The following ALK variants were observed in gnomAD, a reference collection of about 807,000 sequenced individuals.
ALK encodes the protein ALK receptor tyrosine kinase.
Under a neutral mutation model 163.1 loss-of-function variants are expected in ALK, and 74 were observed. That is an observed-to-expected ratio of 0.45 (90% confidence interval 0.38 to 0.55). ALK has a LOEUF of 0.55. ALK is among the 20% of genes least tolerant of loss of function. The probability of loss-of-function intolerance (pLI) is 0.00; values close to 1 mark genes in which losing one functional copy is unlikely to be tolerated. For synonymous variants in ALK, 960 were observed against 843.2 expected (o/e 1.14, Z -2.40); for missense variants, 2,063 against 2,105.3 (o/e 0.98, Z 0.39).
chr2:29,474,159 A>C (rs1190527430), intron 4 of ALK, among the ~76,000 whole-genome samples: 1 of 152,248 alleles, frequency 6.6e-6, no homozygotes, highest in Non-Finnish European at 1.5e-5. Flanking sequence ...TATACAATGA[A>C]ATAGTCTGCA....
intron 4 of ALK, among the ~76,000 whole-genome samples, chr2:29,496,228 G>A (rs1672017036): frequency 6.6e-6 from 1 of 152,174 alleles, no homozygotes; most frequent in African/African-American, 2.4e-5. Context: ...CTTATAAACA[G>A]CTTTTTTGCT....
At position 29,405,671 on chromosome 2, in the gene ALK, C is replaced by T. The variant is rs1299010943; in HGVS notation, c.1155-21812G>A. On this transcript the variant is annotated intron_variant, in intron 4 of 28. Coordinates refer to ENST00000389048, the MANE Select transcript of ALK (RefSeq NM_004304.5). Reference sequence around the variant, plus strand: ...TTTTTCTAATTCTTCACTCTGCAGACAGCCACCACACTGGGAGAGGCAGAG... The same window carrying T: ...TTTTTCTAATTCTTCACTCTGCAGATAGCCACCACACTGGGAGAGGCAGAG... Among the ~76,000 whole-genome samples, 44 of 152,068 alleles carry T rather than the reference C, an allele frequency of 2.9e-4. 1 individual carries two copies. The highest frequency in any genetic ancestry group is 2.9e-3 in the Admixed American group (44 of 15,274).
At chr2:29,454,910 AAGTCCTATGCGGTTAGTTTC>A (rs903822301) in intron 4 of ALK, among the ~76,000 whole-genome samples, 2 of 152,190 alleles carry the variant, frequency 1.3e-5, no homozygotes, top group Non-Finnish European at 2.9e-5. Context: ...GTTCAAATAA[AAGTCCTATGCGGTTAGTTTC>A]ATGTACCTGC....
intron 4 of ALK, among the ~76,000 whole-genome samples, chr2:29,387,144 T>C (rs978776045): frequency 6.6e-6 from 1 of 152,332 alleles, no homozygotes; most frequent in East Asian, 1.9e-4. Context: ...ATCTGGACTT[T>C]AGGAAGTCAG....
At chr2:29,488,247 C>T (rs1477170813) in intron 4 of ALK, among the ~76,000 whole-genome samples, 1 of 152,136 alleles carries the variant, frequency 6.6e-6, no homozygotes, top group Non-Finnish European at 1.5e-5. Context: ...CTGACAAGTT[C>T]CTACTATTTA....
chr2:29,349,450 C>T (rs907579046), intron 5 of ALK, among the ~76,000 whole-genome samples: 1 of 152,170 alleles, frequency 6.6e-6, no homozygotes, highest in Non-Finnish European at 1.5e-5. Flanking sequence ...CATTGCTAGT[C>T]ACAGTGGGGA....
chr2:29,319,670 A>G (rs1330582323), intron 7 of ALK, among the ~76,000 whole-genome samples: 1 of 152,028 alleles, frequency 6.6e-6, no homozygotes, highest in Non-Finnish European at 1.5e-5. Context: ...AGGCAGTGGG[A>G]GCCCTGTCAC....
At chr2:29,828,429 C>T (rs1322327004) in intron 1 of ALK, among the ~76,000 whole-genome samples, 1 of 152,026 alleles carries the variant, frequency 6.6e-6, no homozygotes, top group Non-Finnish European at 1.5e-5. Flanking sequence ...TGACAGAGGG[C>T]TAATATCCAG....
chr2:29,894,785 A>G (rs1436217429), intron 1 of ALK, among the ~76,000 whole-genome samples: 1 of 151,824 alleles, frequency 6.6e-6, no homozygotes, highest in African/African-American at 2.4e-5. Flanking sequence ...TTGCTTTTCT[A>G]GGAGGATGAC....
chr2:29,385,911 A>G (rs1390169017), intron 4 of ALK, among the ~76,000 whole-genome samples: 14 of 152,228 alleles, frequency 9.2e-5, no homozygotes, highest in Non-Finnish European at 1.0e-4. Context: ...ATACGGCCTA[A>G]GGACAAATTC....
At chr2:29,348,088 G>A (rs1267411220) in intron 5 of ALK, among the ~76,000 whole-genome samples, 2 of 152,136 alleles carry the variant, frequency 1.3e-5, no homozygotes, top group Non-Finnish European at 1.5e-5. Flanking sequence ...TGGTCTTCAA[G>A]GACAACAGGG....
At chr2:29,198,138 T>A (rs1389419621) in intron 26 of ALK, among the ~76,000 whole-genome samples, 1 of 152,260 alleles carries the variant, frequency 6.6e-6, no homozygotes, top group Non-Finnish European at 1.5e-5. Flanking sequence ...CTTTGTGCAT[T>A]TTTTAAAAGG....
chr2:29,729,245 C>T (rs1413336580), intron 1 of ALK, among the ~76,000 whole-genome samples: 2 of 152,190 alleles, frequency 1.3e-5, no homozygotes, highest in African/African-American at 4.8e-5. Flanking sequence ...TTGCCCTCTC[C>T]CATGGCCAGG....
intron 1 of ALK, among the ~76,000 whole-genome samples, chr2:29,815,248 G>C (rs1664867167): frequency 6.6e-6 from 1 of 151,670 alleles, no homozygotes; most frequent in South Asian, 2.1e-4. Context: ...ACAGTAACTT[G>C]CAAGTTGTGA....
chr2:29,298,491 C>G (rs1250363694), intron 8 of ALK, among the ~76,000 whole-genome samples: 3 of 152,296 alleles, frequency 2.0e-5, no homozygotes, highest in Admixed American at 6.5e-5. Flanking sequence ...CTGAAGAATA[C>G]TGCTAATTTG....
At chr2:29,543,028 CT>C (rs928087811) in intron 3 of ALK, among the ~76,000 whole-genome samples, 1 of 151,878 alleles carries the variant, frequency 6.6e-6, no homozygotes, top group African/African-American at 2.4e-5. Flanking sequence ...ATTGATCTTT[CT>C]TTTTCTCTTT....
At chr2:29,775,516 G>A (rs529670349) in intron 1 of ALK, among the ~76,000 whole-genome samples, 52 of 150,992 alleles carry the variant, frequency 3.4e-4, no homozygotes, top group Non-Finnish European at 1.9e-4. Flanking sequence ...ATGTAGGATC[G>A]GAGTGGACTC....
chr2:29,775,537 CA>C (rs770320077), intron 1 of ALK, among the ~76,000 whole-genome samples: 218 of 115,232 alleles, frequency 1.9e-3, no homozygotes, highest in African/African-American at 3.4e-3. Context: ...CCTCCCCCTA[CA>C]AAAAAAAAAA....
intron 3 of ALK, among the ~76,000 whole-genome samples, chr2:29,606,747 C>T: frequency 6.6e-6 from 1 of 152,304 alleles, no homozygotes; most frequent in East Asian, 1.9e-4. Context: ...TCAGTAGTTG[C>T]AACAGAGACA....
Sources: gnomAD v4.1 joint callset for allele counts (sites outside exome capture counted in the v4.1 genomes callset) on GRCh38, gnomAD v4.1.1 for gene constraint, MANE v1.5 for transcripts, NCBI Gene and HGNC (gene_info 2026-07-23, HGNC 2026-07-21) for gene names.